The following RAB3GAP2 variants were observed in gnomAD, a reference collection of about 807,000 sequenced individuals.
The protein encoded by RAB3GAP2 is RAB3 GTPase activating non-catalytic protein subunit 2, also known as rab3 GTPase-activating protein non-catalytic subunit.
RAB3GAP2 carries 87 observed loss-of-function variants against 185.3 expected under a neutral mutation model. That is an observed-to-expected ratio of 0.47 (90% confidence interval 0.39 to 0.56). RAB3GAP2 has a LOEUF of 0.56. RAB3GAP2 is among the 20% of genes least tolerant of loss of function. RAB3GAP2 has a pLI of 0.00. For missense variants in RAB3GAP2, 1,492 were observed against 1,638.2 expected, an observed-to-expected ratio of 0.91 and a Z score of 1.54; for synonymous variants, 554 against 576.1, an observed-to-expected ratio of 0.96 and a Z score of 0.55.
intron 9 of RAB3GAP2, chr1:220,200,511 T>A: frequency 3.9e-6 from 2 of 511,856 alleles, no homozygotes; most frequent in South Asian, 1.5e-5. Flanking sequence ...TACATAAAGA[T>A]GTACATACAA....
chr1:220,193,337 A>G lies in RAB3GAP2; in HGVS notation c.1173T>C (p.Cys391=). 6.2e-7 allele frequency: 1 copy of G among 1,613,954 alleles called. No homozygotes were observed. The highest frequency in any genetic ancestry group is 1.1e-5 in the South Asian group (1 of 91,076). The part of the protein sequence containing the change: ...PDSRRHGESI[C]LSPCNTLAAV... ...CTGCCAGTGTGTTACATGGAGACAG[A>G]CATATGCTTTCACCATGGCGTCTAG... Residue 391 remains cysteine (C), a synonymous_variant, in exon 13 of 35, where the codon TGT becomes TGC. Coordinates refer to ENST00000358951, the MANE Select transcript of RAB3GAP2 (RefSeq NM_012414.4).
intron 2 of RAB3GAP2, among the ~76,000 whole-genome samples, chr1:220,217,168 A>G (rs1201808463): frequency 2.0e-5 from 3 of 152,068 alleles, no homozygotes; most frequent in Non-Finnish European, 2.9e-5. Context: ...TTTCCACTCT[A>G]TCACCCTGCT....
At chr1:220,170,445 CA>C (rs58028233) in intron 24 of RAB3GAP2, among the ~76,000 whole-genome samples, 208 of 139,908 alleles carry the variant, frequency 1.5e-3, no homozygotes, top group Middle Eastern at 7.2e-3. Context: ...TTTCCCAATG[CA>C]AAAAAAAAAA....
intron 21 of RAB3GAP2, among the ~76,000 whole-genome samples, chr1:220,174,261 C>T (rs1658245083): frequency 6.6e-6 from 1 of 151,346 alleles, no homozygotes. Flanking sequence ...CACATATATA[C>T]ACACACACAC....
chr1:220,204,939 T>A (rs1182719493), intron 8 of RAB3GAP2, among the ~76,000 whole-genome samples: 1 of 152,058 alleles, frequency 6.6e-6, no homozygotes, highest in African/African-American at 2.4e-5. Context: ...CTGCATAGTA[T>A]TCCATGGTGT....
chr1:220,210,684 A>G (rs989476041), intron 6 of RAB3GAP2, 117 bp downstream of exon 6: 3 of 1,178,974 alleles, frequency 2.5e-6, no homozygotes, highest in Non-Finnish European at 3.7e-6. Context: ...ACCCCCATAA[A>G]GAATCAACTA....
chr1:220,187,187 C>T (rs1039172780), intron 17 of RAB3GAP2, among the ~76,000 whole-genome samples: 3 of 152,158 alleles, frequency 2.0e-5, no homozygotes, highest in African/African-American at 7.2e-5. Flanking sequence ...TGGTCTATGG[C>T]CCCAGTACCT....
rs751935944 is a variant in RAB3GAP2, at chr1:220,191,169, A to T, written c.1386T>A (p.Ala462=). The T allele has an allele frequency of 4.3e-6, 7 of 1,613,948 alleles. No homozygotes were observed. Among genetic ancestry groups the T allele is most frequent in the Non-Finnish European group, 5.9e-6 (7 of 1,180,004 alleles). The change falls in exon 14 of 35, where the codon GCT becomes GCA. Residue 462 remains alanine, a synonymous_variant. Transcript: ENST00000358951. ...TTGGCGCATAGATCACAAGGAATTG[A>T]GCTACTCGACTTGGACCCTGAGAAT... The part of the protein sequence containing the change: ...FGNSQGPSRV[A]QFLVIYAPRR...
chr1:220,171,978 G>T lies in RAB3GAP2; in HGVS notation c.2488C>A (p.Gln830Lys). The change falls in exon 23 of 35, where the codon CAG becomes AAG. Residue 830 changes from glutamine (Q) to lysine (K), a missense_variant. Physicochemically the swap from Gln to Lys is moderately conservative, Grantham distance 53 (BLOSUM62 1). This residue lies in a region of RAB3GAP2 where 681 missense variants were observed against 689.1 expected (regional missense o/e 0.99). Transcript: ENST00000358951. The part of the protein sequence containing the change: ...WWQQMRTACI[Q>K]SENNGAALLS... ...AGAGCGGCTCCATTGTTCTCAGACTGAATACAGGCTGTGCGCATCTGCTGC... is the reference window on the plus strand; with the variant it reads ...AGAGCGGCTCCATTGTTCTCAGACTTAATACAGGCTGTGCGCATCTGCTGC... The T allele has an allele frequency of 6.2e-7, 1 of 1,614,170 alleles. No individual in the cohort carries two copies. The highest frequency in any genetic ancestry group is 1.7e-5 in the Admixed American group (1 of 60,024).
At position 220,182,732 on chromosome 1, in the gene RAB3GAP2, T is replaced by C. The variant is rs1167495594; in HGVS notation, c.2198A>G (p.Glu733Gly). The change falls in exon 20 of 35, where the codon GAA becomes GGA. Residue 733 changes from glutamate to glycine, a missense_variant. This residue lies in a region of RAB3GAP2 where 681 missense variants were observed against 689.1 expected (regional missense o/e 0.99). Transcript: ENST00000358951. The stretch of plus-strand genomic sequence containing the variant: ...ATTTTACCTACCTAAAGCCACATAT[T>C]CCTCTTCACTTATTTTCTTTATGTT... Reference protein sequence around the residue: ...VLNIKKISEEEYVALGSFFFW... With the variant: ...VLNIKKISEEGYVALGSFFFW... 1.2e-6 allele frequency: 2 copies of C among 1,600,852 alleles called. No homozygotes were observed. Among genetic ancestry groups the C allele is most frequent in the Non-Finnish European group, 1.7e-6 (2 of 1,175,312 alleles).
intron 2 of RAB3GAP2, among the ~76,000 whole-genome samples, chr1:220,229,314 C>T (rs909913844): frequency 3.9e-5 from 6 of 152,182 alleles, no homozygotes; most frequent in African/African-American, 7.2e-5. Flanking sequence ...ATCTATTCCA[C>T]AGAGCAGCCA....
Position 220,148,614 on chromosome 1 carries a change from T to C in RAB3GAP2, c.*2637A>G, listed in dbSNP as rs1344352433. On this transcript the variant is annotated 3_prime_UTR_variant, in exon 35 of 35. Transcript: ENST00000358951. ...ACTTCTAAATGAACATTATATTCAGTGTAAGTCTCATATTATTAAATTTCA... is the reference window on the plus strand; with the variant it reads ...ACTTCTAAATGAACATTATATTCAGCGTAAGTCTCATATTATTAAATTTCA... 6.6e-6 allele frequency: 1 copy of C among 152,210 alleles called. No homozygotes were observed. Among genetic ancestry groups the C allele is most frequent in the African/African-American group, 2.4e-5 (1 of 41,462 alleles). 9.4% of individuals were successfully genotyped at this position (152,210 alleles called of 1,614,324 possible). A position where few individuals can be genotyped will look rare whatever the true frequency, so the allele number is the denominator to read the frequency against.
At chr1:220,173,780 G>C (rs1658224061) in intron 21 of RAB3GAP2, among the ~76,000 whole-genome samples, 1 of 152,128 alleles carries the variant, frequency 6.6e-6, no homozygotes, top group Non-Finnish European at 1.5e-5. Flanking sequence ...CAGCACTTTG[G>C]GAGGCCGAGG....
At chr1:220,226,309 G>A (rs1022300179) in intron 2 of RAB3GAP2, among the ~76,000 whole-genome samples, 1 of 152,060 alleles carries the variant, frequency 6.6e-6, no homozygotes, top group Non-Finnish European at 1.5e-5. Flanking sequence ...AGCCTTTCAA[G>A]CTTCTTCCCA....
At chr1:220,254,037 T>TA (rs1401977493) in intron 1 of RAB3GAP2, 2 of 1,613,894 alleles carry the variant, frequency 1.2e-6, no homozygotes, top group Non-Finnish European at 1.7e-6. Flanking sequence ...GAGTTGAAGT[T>TA]AAAGTAAAGA....
chr1:220,153,135 T>C lies in RAB3GAP2; in HGVS notation c.3867+50A>G, dbSNP rs748299419. On this transcript the variant is annotated intron_variant, in intron 33 of 34. Coordinates refer to ENST00000358951, the MANE Select transcript of RAB3GAP2 (RefSeq NM_012414.4). ...AACTTAACTGATTCTTTATTCCAAC[T>C]ATCAATTTTATAACTTGAGCCCAAT... The C allele has an allele frequency of 3.6e-6, 5 of 1,384,298 alleles. No individual in the cohort carries two copies. In the African/African-American group the frequency reaches 7.1e-5, roughly 20 times the overall value. 85.8% of individuals were successfully genotyped at this position (1,384,298 alleles called of 1,614,324 possible).
At position 220,212,849 on chromosome 1, in the gene RAB3GAP2, T is replaced by G. The variant is rs755477034; in HGVS notation, c.386+38A>C. ...CAAGTCAAATAATTTCATACATACA[T>G]GTAACACACAGAGAAACAAAAATTA... On this transcript the variant is annotated intron_variant, in intron 4 of 34. Transcript: ENST00000358951. The G allele has an allele frequency of 7.5e-6, 11 of 1,474,948 alleles. No homozygotes were observed. In the South Asian group the frequency reaches 1.2e-4, roughly 17 times the overall value. The allele number at this position is 1,474,948 out of a possible 1,614,324, so 91.4% of individuals were successfully genotyped here.
chr1:220,246,125 A>T (rs1390975977), intron 1 of RAB3GAP2, among the ~76,000 whole-genome samples: 3 of 152,232 alleles, frequency 2.0e-5, no homozygotes, highest in Non-Finnish European at 4.4e-5. Flanking sequence ...GGACATGAAC[A>T]GACACTTCTC....
intron 1 of RAB3GAP2, among the ~76,000 whole-genome samples, chr1:220,257,306 A>G (rs1307176604): frequency 6.6e-6 from 1 of 151,930 alleles, no homozygotes; most frequent in Non-Finnish European, 1.5e-5. Context: ...TGAACCTGGG[A>G]GGCGGAGGTT....
Sources: gnomAD v4.1 joint callset for allele counts (sites outside exome capture counted in the v4.1 genomes callset) on GRCh38, gnomAD v4.1.1 for gene constraint, gnomAD v4.1.1 regional missense constraint, MANE v1.5 for transcripts, NCBI Gene and HGNC (gene_info 2026-07-23, HGNC 2026-07-21) for gene names.